Variants in AFDN observed in about 807,000 individuals in gnomAD.
The protein encoded by AFDN is afadin, adherens junction formation factor.
AFDN carries 68 observed loss-of-function variants against 216.6 expected under a neutral mutation model. That is an observed-to-expected ratio of 0.31 (90% CI 0.26 to 0.38). The LOEUF is 0.38. Among genes scored for constraint, AFDN ranks in the 10% least tolerant of loss-of-function variants. AFDN has a pLI of 1.00. For missense variants in AFDN, 2,136 were observed against 2,342.0 expected, an observed-to-expected ratio of 0.91 and a Z score of 1.82; for synonymous variants, 868 against 853.7, an observed-to-expected ratio of 1.02 and a Z score of -0.29.
intron 6 of AFDN, among the ~76,000 whole-genome samples, chr6:167,887,484 C>A (rs1787006111): frequency 6.9e-6 from 1 of 145,156 alleles, no homozygotes; most frequent in South Asian, 2.2e-4. Flanking sequence ...GAGATGAAGT[C>A]TCGCTCTGTC....
chr6:167,838,646 T>C (rs1313996290), intron 1 of AFDN, among the ~76,000 whole-genome samples: 2 of 152,320 alleles, frequency 1.3e-5, no homozygotes, highest in East Asian at 1.9e-4. Flanking sequence ...CATTTCCAAA[T>C]GAAAAGGGTG....
intron 21 of AFDN, 95 bp from the exon 22 acceptor site, chr6:167,922,761 G>A (rs1028586187): frequency 5.6e-5 from 42 of 752,884 alleles, no homozygotes; most frequent in South Asian, 8.4e-5. Flanking sequence ...AATCAATACC[G>A]TGTGTTGGAT....
chr6:167,970,381 A>C lies in AFDN; in HGVS notation c.*446A>C. 4.2e-6 allele frequency: 1 copy of C among 238,172 alleles called. No homozygotes were observed. The highest frequency in any genetic ancestry group is 6.6e-5 in the East Asian group (1 of 15,064). 14.8% of individuals were successfully genotyped at this position (238,172 alleles called of 1,614,324 possible). On this transcript the variant is annotated 3_prime_UTR_variant, in exon 34 of 34. Transcript: ENST00000683244. ...GAGAATAGCTTGAACTATTCAGACTATTGTTGGCACTGTTTAGTAGTGACC... is the reference window on the plus strand; with the variant it reads ...GAGAATAGCTTGAACTATTCAGACTCTTGTTGGCACTGTTTAGTAGTGACC...
intron 5 of AFDN, among the ~76,000 whole-genome samples, chr6:167,877,764 C>T (rs191182497): frequency 2.7e-4 from 41 of 152,292 alleles, no homozygotes; most frequent in Admixed American, 1.9e-3. Context: ...ACAAGGGCAC[C>T]TGTGAACACC....
chr6:167,891,766 C>T (rs1399575209), intron 8 of AFDN, among the ~76,000 whole-genome samples: 1 of 152,074 alleles, frequency 6.6e-6, no homozygotes, highest in Non-Finnish European at 1.5e-5. Context: ...ATTCAGTTAA[C>T]ATTACTTCAT....
chr6:167,894,387 A>T (rs1204026659), intron 9 of AFDN, among the ~76,000 whole-genome samples: 2 of 152,210 alleles, frequency 1.3e-5, no homozygotes, highest in African/African-American at 2.4e-5. Flanking sequence ...AGACTCAGGC[A>T]CTTTGGGCAG....
Position 167,952,084 on chromosome 6 carries a change from T to G in AFDN, c.4730T>G (p.Leu1577Arg). ...CTGGAGTGGCAGTTCCAGAAGAGAC[T>G]CCAGGAGTCGAAGCAGAAGGACGAA... ...LMLEWQFQKR[L>R]QESKQKDEDD... Residue 1577 changes from leucine (L) to arginine (R), a missense_variant, in exon 30 of 34, where the codon CTC (leucine) becomes CGC (arginine). Around this residue, in one of 8 missense-constraint regions of AFDN, gnomAD observed 981 missense variants for 966.0 expected, o/e 1.02. Coordinates refer to ENST00000683244, the MANE Select transcript of AFDN (RefSeq NM_001386888.1). 6.2e-7 allele frequency: 1 copy of G among 1,613,860 alleles called. No individual in the cohort carries two copies. Among genetic ancestry groups the G allele is most frequent in the Non-Finnish European group, 8.5e-7 (1 of 1,179,948 alleles).
At chr6:167,889,159 A>G in intron 6 of AFDN, 56 bp from the exon 7 acceptor site, 1 of 1,140,220 alleles carries the variant, frequency 8.8e-7, no homozygotes, top group Non-Finnish European at 1.3e-6. Context: ...TCTTTTAAGT[A>G]CTTGTTAACT....
rs115843164 is a variant in AFDN at position 167,943,014 on chromosome 6, T to G, written c.3100-115T>G. The G allele has an allele frequency of 1.8e-3, 1,223 of 680,108 alleles. 12 individuals are homozygous for G. In the African/African-American group the frequency reaches 0.019, roughly 11 times the overall value. 42.1% of individuals were successfully genotyped at this position (680,108 alleles called of 1,614,324 possible). A position where few individuals can be genotyped will look rare whatever the true frequency, so the allele number is the denominator to read the frequency against. On this transcript the variant is annotated intron_variant, in intron 23 of 33. Coordinates refer to ENST00000683244, the MANE Select transcript of AFDN (RefSeq NM_001386888.1). ...CATGTAAAAATGAGAACCAGGACTT[T>G]GTTGCAGTTATCTGTGTACATGTTG...
intron 1 of AFDN, among the ~76,000 whole-genome samples, chr6:167,842,001 A>C (rs1054592078): frequency 6.6e-6 from 1 of 150,982 alleles, no homozygotes. Context: ...TTTTTAATTA[A>C]AAAAAAAACT....
chr6:167,902,188 T>A (rs751703136), intron 11 of AFDN, 129 bp from the exon 12 acceptor site: 52 of 660,642 alleles, frequency 7.9e-5, no homozygotes, highest in Admixed American at 2.4e-4. Flanking sequence ...GTTCGTGTGC[T>A]GAAAACAGAG....
chr6:167,895,495 T>G (rs1308407533), intron 9 of AFDN, among the ~76,000 whole-genome samples: 1 of 152,080 alleles, frequency 6.6e-6, no homozygotes, highest in East Asian at 1.9e-4. Flanking sequence ...TCTTAATGGG[T>G]GTTAGGCATT....
At chr6:167,914,101 C>T in intron 16 of AFDN, 67 bp from the exon 17 acceptor site, 1 of 1,551,850 alleles carries the variant, frequency 6.4e-7, no homozygotes, top group East Asian at 2.2e-5. Context: ...TTTTCAAGAG[C>T]ATTCCTTTAT....
At chr6:167,881,304 T>C (rs1405003709) in intron 6 of AFDN, among the ~76,000 whole-genome samples, 1 of 152,234 alleles carries the variant, frequency 6.6e-6, no homozygotes, top group Admixed American at 6.5e-5. Context: ...AGCTTATGAA[T>C]ACAGCTCAAC....
At chr6:167,943,344 C>G (rs1470417096) in intron 24 of AFDN, 58 bp from the exon 25 acceptor site, 1 of 1,535,622 alleles carries the variant, frequency 6.5e-7, no homozygotes, top group African/African-American at 1.4e-5. Flanking sequence ...CCTTTTCTTC[C>G]TCCCGCTCTC....
intron 30 of AFDN, chr6:167,954,491 T>C: frequency 6.2e-7 from 1 of 1,605,616 alleles, no homozygotes; most frequent in Non-Finnish European, 8.5e-7. Context: ...TGTTCTAGAT[T>C]TGGTATGTTC....
In AFDN at chr6:167,898,241, C is replaced by G. The variant is rs1788520371; in HGVS notation, c.1354C>G (p.Leu452Val). 6.2e-7 allele frequency: 1 copy of G among 1,613,986 alleles called. No individual in the cohort carries two copies. The highest frequency in any genetic ancestry group is 8.5e-7 in the Non-Finnish European group (1 of 1,180,006). Residue 452 changes from leucine (L) to valine (V), a missense_variant, in exon 11 of 34, where the codon CTT becomes GTT. This residue lies in a region of AFDN where 817 missense variants were observed against 965.7 expected (regional missense o/e 0.85). Coordinates refer to ENST00000683244, the MANE Select transcript of AFDN (RefSeq NM_001386888.1). Reference sequence around the variant, plus strand: ...AGGAATTCAGCCCCATCACTGTGACCTTACCAACATGGATGGAGTGGTCAC... The same window carrying G: ...AGGAATTCAGCCCCATCACTGTGACGTTACCAACATGGATGGAGTGGTCAC... ...GPGIQPHHCD[L>V]TNMDGVVTVT...
Position 167,889,274 on chromosome 6 carries a change from T to G in AFDN, c.957T>G (p.Leu319=), listed in dbSNP as rs770170934. 2 of 1,613,994 alleles carry G rather than the reference T, an allele frequency of 1.2e-6. No individual in the cohort carries two copies. Among genetic ancestry groups the G allele is most frequent in the Non-Finnish European group, 1.7e-6 (2 of 1,179,870 alleles). ...SDEKGAKEII[L]DDDECPLQIF... ...AAAAGGGTGCTAAAGAAATTATTCT[T>G]GATGATGATGAGTGTCCTTTACAAA... The change falls in exon 7 of 34, where the codon CTT becomes CTG. Residue 319 remains leucine, a synonymous_variant. Transcript: ENST00000683244.
intron 1 of AFDN, among the ~76,000 whole-genome samples, chr6:167,851,638 T>C (rs1363727256): frequency 6.6e-6 from 1 of 152,206 alleles, no homozygotes; most frequent in African/African-American, 2.4e-5. Flanking sequence ...CTCCACTTTA[T>C]AGACAGGGAA....
Sources: gnomAD v4.1 joint callset for allele counts (sites outside exome capture counted in the v4.1 genomes callset) on GRCh38, gnomAD v4.1.1 for gene constraint, gnomAD v4.1.1 regional missense constraint, MANE v1.5 for transcripts, NCBI Gene and HGNC (gene_info 2026-07-23, HGNC 2026-07-21) for gene names.